KIAA1549L: variants seen among roughly 807,000 people sequenced by gnomAD.
KIAA1549L encodes UPF0606 protein KIAA1549L.
A neutral mutation model predicts 160.7 loss-of-function variants in KIAA1549L; 88 were observed. The observed-to-expected ratio is 0.55, with a 90% CI of 0.46 to 0.65. The LOEUF (loss-of-function observed/expected upper bound fraction) is 0.65. KIAA1549L is among the 30% of genes least tolerant of loss of function. KIAA1549L has a pLI of 0.00. For missense variants in KIAA1549L, 2,258 were observed against 2,437.5 expected, an observed-to-expected ratio of 0.93 and a Z score of 1.55; for synonymous variants, 950 against 976.7, an observed-to-expected ratio of 0.97 and a Z score of 0.51.
chr11:33,581,393 C>T (rs1257805665), intron 10 of KIAA1549L, among the ~76,000 whole-genome samples: 3 of 121,126 alleles, frequency 2.5e-5, no homozygotes, highest in Non-Finnish European at 5.1e-5. Flanking sequence ...TTCCTTCTGA[C>T]AAATTGTGTG....
intron 1 of KIAA1549L, among the ~76,000 whole-genome samples, chr11:33,491,482 G>C (rs1852662536): frequency 6.6e-6 from 1 of 152,142 alleles, no homozygotes; most frequent in South Asian, 2.1e-4. Flanking sequence ...TGGGAAGAAG[G>C]ACCTTCCAGT....
At chr11:33,457,892 G>A (rs542373025) in intron 1 of KIAA1549L, among the ~76,000 whole-genome samples, 12 of 152,252 alleles carry the variant, frequency 7.9e-5, no homozygotes, top group Middle Eastern at 3.4e-3. Context: ...GGACCAAGGG[G>A]CCAGGCCCAC....
At chr11:33,408,489 G>GTATATATATATATATATATA (rs138063173) in intron 1 of KIAA1549L, among the ~76,000 whole-genome samples, 1 of 123,074 alleles carries the variant, frequency 8.1e-6, no homozygotes, top group Non-Finnish European at 1.7e-5. Flanking sequence ...CTGTATATGT[G>GTATATATATATATATATATA]TATATATATA....
At chr11:33,564,870 T>C (rs571877336) in intron 8 of KIAA1549L, among the ~76,000 whole-genome samples, 2 of 152,374 alleles carry the variant, frequency 1.3e-5, no homozygotes, top group Non-Finnish European at 2.9e-5. Context: ...TAAAACAATT[T>C]AGCCTGAGTA....
chr11:33,404,686 A>G (rs1850608546), intron 1 of KIAA1549L, among the ~76,000 whole-genome samples: 1 of 152,190 alleles, frequency 6.6e-6, no homozygotes, highest in African/African-American at 2.4e-5. Flanking sequence ...TAAGGTGTTT[A>G]TAATCACAAC....
intron 16 of KIAA1549L, among the ~76,000 whole-genome samples, chr11:33,628,198 C>T (rs930445877): frequency 2.6e-4 from 40 of 152,216 alleles, no homozygotes; most frequent in African/African-American, 9.4e-4. Context: ...GAGAGCTTTA[C>T]TTCCAAGTTT....
intron 16 of KIAA1549L, among the ~76,000 whole-genome samples, chr11:33,619,035 T>C (rs934240993): frequency 1.3e-5 from 2 of 152,224 alleles, no homozygotes; most frequent in African/African-American, 2.4e-5. Flanking sequence ...TTCATAGCGA[T>C]ATTGAAAAGC....
At chr11:33,463,942 C>G (rs1851992014) in intron 1 of KIAA1549L, among the ~76,000 whole-genome samples, 1 of 152,184 alleles carries the variant, frequency 6.6e-6, no homozygotes, top group Non-Finnish European at 1.5e-5. Context: ...CCTGCTGGTA[C>G]CAGGTTGGCA....
At chr11:33,480,143 GA>G (rs1852378569) in intron 1 of KIAA1549L, among the ~76,000 whole-genome samples, 1 of 152,068 alleles carries the variant, frequency 6.6e-6, no homozygotes, top group Admixed American at 6.6e-5. Flanking sequence ...GTAATTCAGT[GA>G]CTTAGTATAT....
rs1018611812 is a variant in KIAA1549L, at chr11:33,428,872, C to A, written c.238+51983C>A. Among the ~76,000 whole-genome samples, 6 of 152,314 alleles carry A rather than the reference C, an allele frequency of 3.9e-5. No homozygotes were observed. In the South Asian group the frequency reaches 1.0e-3, roughly 26 times the overall value. ...CTAGTTCTAGATCCTTGAGGAATTG[C>A]CACACTGTCTTTCACAATGGTTGAA... On this transcript the variant is annotated intron_variant, in intron 1 of 20. Coordinates refer to ENST00000658780, the MANE Select transcript of KIAA1549L (RefSeq NM_012194.3).
intron 1 of KIAA1549L, among the ~76,000 whole-genome samples, chr11:33,432,068 G>A (rs578142114): frequency 2.0e-5 from 3 of 152,326 alleles, no homozygotes; most frequent in South Asian, 2.1e-4. Flanking sequence ...ACGCCCACCC[G>A]GAACTCCAGC....
At chr11:33,499,674 C>T (rs762039223) in intron 1 of KIAA1549L, among the ~76,000 whole-genome samples, 4 of 152,318 alleles carry the variant, frequency 2.6e-5, no homozygotes, top group Admixed American at 6.5e-5. Context: ...CTCACTTCCA[C>T]GTCCCCTTCT....
At chr11:33,402,812 C>T (rs1238524633) in intron 1 of KIAA1549L, among the ~76,000 whole-genome samples, 3 of 151,048 alleles carry the variant, frequency 2.0e-5, no homozygotes, top group South Asian at 4.1e-4. Context: ...CTCCTGCCAC[C>T]CCCCCTAGCT....
In KIAA1549L at chr11:33,418,970, G is replaced by C. The variant is rs568970876; in HGVS notation, c.238+42081G>C. ...GCTGGAATGTCGTGGTGTGATCTTGGCTCACTGCAACTCTGCCTCAGCCCC... is the reference window on the plus strand; with the variant it reads ...GCTGGAATGTCGTGGTGTGATCTTGCCTCACTGCAACTCTGCCTCAGCCCC... On this transcript the variant is annotated intron_variant, in intron 1 of 20. Coordinates refer to ENST00000658780, the MANE Select transcript of KIAA1549L (RefSeq NM_012194.3). 3.3e-5 allele frequency among the ~76,000 whole-genome samples: 5 copies of C among 151,538 alleles called. No individual in the cohort carries two copies. The South Asian group carries it at 1.0e-3, about 32-fold the overall frequency.
At chr11:33,554,673 A>T (rs900225076) in intron 6 of KIAA1549L, among the ~76,000 whole-genome samples, 4 of 152,266 alleles carry the variant, frequency 2.6e-5, no homozygotes, top group Non-Finnish European at 5.9e-5. Context: ...CATTGAACCT[A>T]CTGTGCCCTT....
intron 8 of KIAA1549L, among the ~76,000 whole-genome samples, chr11:33,563,321 C>T (rs967967408): frequency 1.4e-5 from 2 of 145,140 alleles, no homozygotes; most frequent in Non-Finnish European, 3.0e-5. Flanking sequence ...TGCACTCCAG[C>T]CTGGGCAACA....
chr11:33,496,694 C>G (rs559234451), intron 1 of KIAA1549L, among the ~76,000 whole-genome samples: 2 of 152,256 alleles, frequency 1.3e-5, no homozygotes, highest in African/African-American at 4.8e-5. Context: ...CCCAGCTGCC[C>G]AGCACTGCAA....
intron 6 of KIAA1549L, among the ~76,000 whole-genome samples, chr11:33,553,378 A>T (rs1303031882): frequency 2.0e-5 from 3 of 151,572 alleles, no homozygotes; most frequent in Non-Finnish European, 4.4e-5. Flanking sequence ...ATACTCATCT[A>T]GCCCCCAATT....
At position 33,512,303 on chromosome 11, in the gene KIAA1549L, A is replaced by C. The variant is rs563106003; in HGVS notation, c.239-29499A>C. Among the ~76,000 whole-genome samples, 107 of 152,366 alleles carry C rather than the reference A, an allele frequency of 7.0e-4. 1 individual carries two copies. The highest frequency in any genetic ancestry group is 2.5e-3 in the African/African-American group (106 of 41,580). Reference sequence around the variant, plus strand: ...TTGCAGCAGTGGGTTCTGTTTTAAAAATAAACACAATTAGCTTTTTAATTG... The same window carrying C: ...TTGCAGCAGTGGGTTCTGTTTTAAACATAAACACAATTAGCTTTTTAATTG... On this transcript the variant is annotated intron_variant, in intron 1 of 20. Transcript: ENST00000658780.
Sources: gnomAD v4.1 joint callset for allele counts (sites outside exome capture counted in the v4.1 genomes callset) on GRCh38, gnomAD v4.1.1 for gene constraint, MANE v1.5 for transcripts, NCBI Gene and HGNC (gene_info 2026-07-23, HGNC 2026-07-21) for gene names.